MOGAT2: variants seen among roughly 807,000 people sequenced by gnomAD.
MOGAT2 encodes the protein monoacylglycerol O-acyltransferase 2, also known as 2-acylglycerol O-acyltransferase 2.
A neutral mutation model predicts 31.5 loss-of-function variants in MOGAT2; 27 were observed. The observed-to-expected ratio is 0.86, with a 90% CI of 0.63 to 1.18. The LOEUF is 1.18. MOGAT2 is among the 50% of genes most tolerant of loss of function. MOGAT2 has a pLI of 0.00. For synonymous variants in MOGAT2, 163 were observed against 170.0 expected (o/e 0.96, Z 0.32); for missense variants, 436 against 433.2 (o/e 1.01, Z -0.06).
At chr11:75,722,039 C>G (rs754882056) in intron 2 of MOGAT2, among the ~76,000 whole-genome samples, 1 of 152,168 alleles carries the variant, frequency 6.6e-6, no homozygotes, top group African/African-American at 2.4e-5. Context: ...CAGAGACTGC[C>G]GTGCTCACGA....
intron 4 of MOGAT2, 23 bp from the exon 5 acceptor site, chr11:75,728,767 C>CT (rs1565301848): frequency 6.2e-7 from 1 of 1,609,464 alleles, no homozygotes; most frequent in Non-Finnish European, 8.5e-7. Flanking sequence ...CCCACATGCC[C>CT]TCTTTCCTCT....
intron 5 of MOGAT2, 93 bp from the exon 6 acceptor site, chr11:75,731,039 G>A: frequency 1.8e-6 from 2 of 1,087,874 alleles, no homozygotes; most frequent in Non-Finnish European, 2.6e-6. Context: ...TGGAGTAAGA[G>A]CACTTTTCTG....
At chr11:75,726,587 G>GA (rs1944423327) in intron 2 of MOGAT2, among the ~76,000 whole-genome samples, 1 of 151,516 alleles carries the variant, frequency 6.6e-6, no homozygotes, top group Non-Finnish European at 1.5e-5. Context: ...ACTGATAAAG[G>GA]AAAAAAGTCT....
At position 75,717,921 on chromosome 11, in the gene MOGAT2, G is replaced by C. The variant is rs574886714; in HGVS notation, c.33G>C (p.Trp11Cys). The part of the protein sequence containing the change: MVEFAPLFMP[W>C]ERRLQTLAVL... ...AGTTCGCGCCCTTGTTTATGCCGTG[G>C]GAGCGCAGGCTGCAGACACTTGCTG... The change falls in exon 1 of 6, where the codon TGG becomes TGC. Residue 11 changes from tryptophan (W) to cysteine (C), a missense_variant. Transcript: ENST00000198801. The C allele has an allele frequency of 6.2e-7, 1 of 1,614,220 alleles. No homozygotes were observed.
chr11:75,727,397 AGGCCCCGCC>A, intron 2 of MOGAT2, 29 bp from the exon 3 acceptor site: 1 of 1,586,064 alleles, frequency 6.3e-7, no homozygotes, highest in Non-Finnish European at 8.6e-7. Context: ...GCTGGTACAC[AGGCCCCGCC>A]CTGGCTCAGC....
chr11:75,720,111 A>T lies in MOGAT2; in HGVS notation c.211A>T (p.Ile71Phe), dbSNP rs751831138. ...RDKPRQGGRH[I>F]QAIRCWTIWK... ...CAAGCCACGGCAGGGGGGCCGGCAC[A>T]TCCAGGCCATCAGGTGCTGGACTAT... The change falls in exon 2 of 6, where the codon ATC (isoleucine) becomes TTC (phenylalanine). Residue 71 changes from isoleucine to phenylalanine, a missense_variant. By Grantham distance (21) the Ile-to-Phe change is conservative. Coordinates refer to ENST00000198801, the MANE Select transcript of MOGAT2 (RefSeq NM_025098.4). 1 of 1,614,038 alleles carries T rather than the reference A, an allele frequency of 6.2e-7. No individual in the cohort carries two copies. Among genetic ancestry groups the T allele is most frequent in the Non-Finnish European group, 8.5e-7 (1 of 1,180,008 alleles).
rs1944479350 is a variant in MOGAT2 at position 75,731,469 on chromosome 11, G to A, written c.*183G>A. The A allele has an allele frequency of 1.7e-6, 1 of 601,854 alleles. No homozygotes were observed. The highest frequency in any genetic ancestry group is 2.6e-6 in the Non-Finnish European group (1 of 387,410). The allele number at this position is 601,854 out of a possible 1,614,324, so 37.3% of individuals were successfully genotyped here. On this transcript the variant is annotated 3_prime_UTR_variant, in exon 6 of 6. Transcript: ENST00000198801. ...GGAGACCAGACCAAGGGGTCAGCTG[G>A]GGCTAGGACAGTGAGGGCTGCTAGA...
chr11:75,723,235 G>A (rs1944392683), intron 2 of MOGAT2, among the ~76,000 whole-genome samples: 1 of 152,034 alleles, frequency 6.6e-6, no homozygotes, highest in African/African-American at 2.4e-5. Flanking sequence ...ACAGGTGTCA[G>A]ACACTGCACC....
Position 75,731,409 on chromosome 11 carries a change from A to C in MOGAT2, c.*123A>C. ...CCAGACTCCTGCAAATCCAACCCAT[A>C]TCAGGCTGTAAGTCAGAGCAGGCAA... is the stretch of plus-strand genomic sequence containing the variant. On this transcript the variant is annotated 3_prime_UTR_variant, in exon 6 of 6. Transcript: ENST00000198801. The C allele has an allele frequency of 1.8e-6, 2 of 1,124,538 alleles. No homozygotes were observed. Among genetic ancestry groups the C allele is most frequent in the Non-Finnish European group, 2.4e-6 (2 of 827,340 alleles). 69.7% of individuals were successfully genotyped at this position (1,124,538 alleles called of 1,614,324 possible).
chr11:75,721,858 G>A (rs1219538), intron 2 of MOGAT2, among the ~76,000 whole-genome samples: 56,658 of 152,030 alleles, frequency 0.37, 11,354 homozygotes, highest in Non-Finnish European at 0.47. Context: ...TTATGGGAAC[G>A]CAGGGTGGTT....
chr11:75,720,114 C>A lies in MOGAT2; in HGVS notation c.214C>A (p.Gln72Lys), dbSNP rs767161018. The change falls in exon 2 of 6, where the codon CAG (glutamine) becomes AAG (lysine). Residue 72 changes from glutamine (Q) to lysine (K), a missense_variant. Physicochemically the swap from Gln to Lys is moderately conservative, Grantham distance 53. Transcript: ENST00000198801. ...DKPRQGGRHI[Q>K]AIRCWTIWKY... ...GCCACGGCAGGGGGGCCGGCACATCCAGGCCATCAGGTGCTGGACTATATG... is the reference window on the plus strand; with the variant it reads ...GCCACGGCAGGGGGGCCGGCACATCAAGGCCATCAGGTGCTGGACTATATG... 1 of 1,614,182 alleles carries A rather than the reference C, an allele frequency of 6.2e-7. No homozygotes were observed. The highest frequency in any genetic ancestry group is 8.5e-7 in the Non-Finnish European group (1 of 1,180,038).
chr11:75,722,039 C>A (rs754882056), intron 2 of MOGAT2, among the ~76,000 whole-genome samples: 1 of 152,168 alleles, frequency 6.6e-6, no homozygotes, highest in Non-Finnish European at 1.5e-5. Flanking sequence ...CAGAGACTGC[C>A]GTGCTCACGA....
chr11:75,721,741 G>T (rs146676318), intron 2 of MOGAT2, among the ~76,000 whole-genome samples: 1 of 152,048 alleles, frequency 6.6e-6, no homozygotes, highest in East Asian at 1.9e-4. Flanking sequence ...CTCCCACCCC[G>T]CCTGGGAACC....
chr11:75,720,883 T>A (rs1944371144), intron 2 of MOGAT2, among the ~76,000 whole-genome samples: 1 of 152,144 alleles, frequency 6.6e-6, no homozygotes, highest in Admixed American at 6.5e-5. Context: ...TGAAGTTGTG[T>A]CCAGAGCAGA....
Position 75,731,994 on chromosome 11 carries a change from A to G in MOGAT2, c.*708A>G, listed in dbSNP as rs974789923. On this transcript the variant is annotated 3_prime_UTR_variant, in exon 6 of 6. Coordinates refer to ENST00000198801, the MANE Select transcript of MOGAT2 (RefSeq NM_025098.4). ...ACAGCCACAGCGAGCTGTCTAAAAC[A>G]CAAAGCTGACCGCGCCATTTCCTAC... 6.6e-6 allele frequency: 1 copy of G among 152,254 alleles called. No individual in the cohort carries two copies. Among genetic ancestry groups the G allele is most frequent in the Middle Eastern group, 3.2e-3 (1 of 316 alleles). 9.4% of individuals were successfully genotyped at this position (152,254 alleles called of 1,614,324 possible).
rs149629711 is a variant in MOGAT2 at position 75,731,171 on chromosome 11, C to T, written c.890C>T (p.Ser297Leu). 854 of 1,614,078 alleles carry T rather than the reference C, an allele frequency of 5.3e-4. 4 individuals are homozygous for T. In the African/African-American group the frequency reaches 8.8e-3, roughly 17 times the overall value. The change falls in exon 6 of 6, where the codon TCG becomes TTG. Residue 297 changes from serine to leucine, a missense_variant. Transcript: ENST00000198801. ...GAGGTACAGAAGACGCTGCATCCCT[C>T]GGAGGAGGAGGTGAACCAGCTGCAC... The part of the protein sequence containing the change: ...PIEVQKTLHP[S>L]EEEVNQLHQR...
At chr11:75,724,232 C>T (rs1944400260) in intron 2 of MOGAT2, among the ~76,000 whole-genome samples, 1 of 152,206 alleles carries the variant, frequency 6.6e-6, no homozygotes, top group Non-Finnish European at 1.5e-5. Context: ...GGGCTCATTC[C>T]TTCCTTCCTT....
At chr11:75,727,035 C>A (rs1341008974) in intron 2 of MOGAT2, among the ~76,000 whole-genome samples, 1 of 152,100 alleles carries the variant, frequency 6.6e-6, no homozygotes, top group East Asian at 1.9e-4. Context: ...CATGGCGGTG[C>A]CTCCATGTGG....
chr11:75,729,013 G>A (rs1191448072), intron 5 of MOGAT2, 24 bp downstream of exon 5: 1 of 1,611,028 alleles, frequency 6.2e-7, no homozygotes, highest in Non-Finnish European at 8.5e-7. Flanking sequence ...CAGGCTGGGA[G>A]GGAGGAGGCC....
Sources: gnomAD v4.1 joint callset for allele counts (sites outside exome capture counted in the v4.1 genomes callset) on GRCh38, gnomAD v4.1.1 for gene constraint, MANE v1.5 for transcripts, NCBI Gene and HGNC (gene_info 2026-07-23, HGNC 2026-07-21) for gene names.